HPR: variants seen among roughly 807,000 people sequenced by gnomAD.
The protein encoded by HPR is Haptoglobin-related locus.
HPR carries 17 observed loss-of-function variants against 18.5 expected under a neutral mutation model. That is an observed-to-expected ratio of 0.92 (90% CI 0.63 to 1.38). The LOEUF (loss-of-function observed/expected upper bound fraction) is 1.38. HPR is among the 40% of genes most tolerant of loss of function. The pLI is 0.00. For synonymous variants in HPR, 176 were observed against 165.0 expected (o/e 1.07, Z -0.51); for missense variants, 457 against 432.4 (o/e 1.06, Z -0.51).
In HPR at chr16:72,077,218, C is replaced by G; in HGVS notation, c.*137C>G. On this transcript the variant is annotated 3_prime_UTR_variant, in exon 5 of 5. Coordinates refer to ENST00000540303, the MANE Select transcript of HPR (RefSeq NM_020995.4). ...GGGTGCCAGCCCTGCATTGCTGAGTCAATCAATAAAGAGCTTTCTTTTGAC... is the reference window on the plus strand; with the variant it reads ...GGGTGCCAGCCCTGCATTGCTGAGTGAATCAATAAAGAGCTTTCTTTTGAC... 1 of 818,830 alleles carries G rather than the reference C, an allele frequency of 1.2e-6. No homozygotes were observed. Among genetic ancestry groups the G allele is most frequent in the Non-Finnish European group, 1.9e-6 (1 of 536,428 alleles). The allele number at this position is 818,830 out of a possible 1,614,324, so 50.7% of individuals were successfully genotyped here. A position where few individuals can be genotyped will look rare whatever the true frequency, so the allele number is the denominator to read the frequency against.
intron 1 of HPR, among the ~76,000 whole-genome samples, chr16:72,065,116 G>T (rs1234563480): frequency 6.6e-6 from 1 of 152,146 alleles, no homozygotes; most frequent in Admixed American, 6.5e-5. Context: ...CAATCTGTGG[G>T]TCTATGGTTA....
intron 1 of HPR, among the ~76,000 whole-genome samples, chr16:72,071,160 C>G (rs1249893754): frequency 6.6e-6 from 1 of 152,166 alleles, no homozygotes; most frequent in Non-Finnish European, 1.5e-5. Flanking sequence ...GAATCTAACA[C>G]TCTCTCCAAG....
chr16:72,069,080 G>C (rs1482279112), intron 1 of HPR, among the ~76,000 whole-genome samples: 1 of 152,138 alleles, frequency 6.6e-6, no homozygotes, highest in Non-Finnish European at 1.5e-5. Flanking sequence ...CAAGAAAATT[G>C]CCTAATAATT....
chr16:72,069,022 G>A (rs186593419), intron 1 of HPR, among the ~76,000 whole-genome samples: 111 of 152,250 alleles, frequency 7.3e-4, no homozygotes, highest in Non-Finnish European at 1.4e-3. Context: ...AAGACACAAC[G>A]GGTATCCAGT....
chr16:72,073,212 G>A (rs1350141481), intron 1 of HPR, among the ~76,000 whole-genome samples: 4 of 152,152 alleles, frequency 2.6e-5, no homozygotes, highest in African/African-American at 4.8e-5. Context: ...GACAAGCTGC[G>A]TTAGACATAA....
At chr16:72,065,342 T>A (rs7190994) in intron 1 of HPR, among the ~76,000 whole-genome samples, 84,685 of 151,430 alleles carry the variant, frequency 0.56, 24,174 homozygotes, top group South Asian at 0.65. Flanking sequence ...TCCAGACAGA[T>A]AAAAAAGAAA....
intron 1 of HPR, among the ~76,000 whole-genome samples, chr16:72,068,200 T>C (rs927085615): frequency 1.3e-5 from 2 of 152,176 alleles, no homozygotes; most frequent in Non-Finnish European, 2.9e-5. Flanking sequence ...TCTACACATA[T>C]TTTTGACCAT....
chr16:72,066,073 A>T (rs1567587728), intron 1 of HPR, among the ~76,000 whole-genome samples: 1 of 152,220 alleles, frequency 6.6e-6, no homozygotes. Flanking sequence ...CATGAAATAG[A>T]GCAGTGTAAA....
At chr16:72,074,855 T>C (rs3020641) in intron 3 of HPR, 106 of 648,862 alleles carry the variant, frequency 1.6e-4, no homozygotes, top group Admixed American at 9.4e-4. Context: ...CAAATTCAGG[T>C]GGCCTGTAAG....
chr16:72,065,878 C>T (rs1167425106), intron 1 of HPR, among the ~76,000 whole-genome samples: 1 of 152,122 alleles, frequency 6.6e-6, no homozygotes, highest in African/African-American at 2.4e-5. Flanking sequence ...AGACTGTCTT[C>T]CTTTGCTTAC....
At chr16:72,065,796 C>T (rs560274671) in intron 1 of HPR, among the ~76,000 whole-genome samples, 1 of 152,262 alleles carries the variant, frequency 6.6e-6, no homozygotes, top group East Asian at 1.9e-4. Context: ...GGGAAGAATC[C>T]GATCCAGCAT....
chr16:72,072,131 C>T (rs1250429794), intron 1 of HPR, among the ~76,000 whole-genome samples: 1 of 152,028 alleles, frequency 6.6e-6, no homozygotes, highest in Non-Finnish European at 1.5e-5. Flanking sequence ...GCCTCGGCCT[C>T]CCGAGTAGCT....
chr16:72,072,773 T>C (rs1334456513), intron 1 of HPR, among the ~76,000 whole-genome samples: 1 of 152,170 alleles, frequency 6.6e-6, no homozygotes, highest in Non-Finnish European at 1.5e-5. Flanking sequence ...GTGAGCTTTT[T>C]CTTTTAGAAG....
At chr16:72,071,185 C>T (rs72787058) in intron 1 of HPR, among the ~76,000 whole-genome samples, 19,760 of 151,808 alleles carry the variant, frequency 0.13, 1,691 homozygotes, top group South Asian at 0.19. Flanking sequence ...GCGAGCTCAG[C>T]GTCCTCCTCC....
chr16:72,066,356 A>G (rs934490190), intron 1 of HPR, among the ~76,000 whole-genome samples: 15 of 152,154 alleles, frequency 9.9e-5, no homozygotes, highest in African/African-American at 3.6e-4. Context: ...CAGGGGAGGA[A>G]AGAAGCATGA....
chr16:72,070,001 TA>T (rs1409984257), intron 1 of HPR, among the ~76,000 whole-genome samples: 2 of 152,160 alleles, frequency 1.3e-5, no homozygotes, highest in Non-Finnish European at 2.9e-5. Flanking sequence ...CATATGTCAT[TA>T]AAAAGTTAGC....
chr16:72,069,043 G>T (rs2041627498), intron 1 of HPR, among the ~76,000 whole-genome samples: 1 of 152,160 alleles, frequency 6.6e-6, no homozygotes, highest in Non-Finnish European at 1.5e-5. Context: ...AATCGATGGA[G>T]AAATTCTCTA....
chr16:72,070,567 C>T (rs1186715973), intron 1 of HPR, among the ~76,000 whole-genome samples: 1 of 152,212 alleles, frequency 6.6e-6, no homozygotes, highest in Non-Finnish European at 1.5e-5. Flanking sequence ...TAAACCGTCA[C>T]TCCAGGGCTC....
Position 72,064,245 on chromosome 16 carries a change from A to T in HPR, c.5+985A>T, listed in dbSNP as rs566094366. On this transcript the variant is annotated intron_variant, in intron 1 of 4. Transcript: ENST00000540303. ...TGAATTATCACAAAATACTAGAAAT[A>T]ACCACATAAGTGTTTAAAATTATTG... Among the ~76,000 whole-genome samples the T allele has an allele frequency of 2.0e-5, 3 of 152,338 alleles. No individual in the cohort carries two copies. In the East Asian group the frequency reaches 5.8e-4, roughly 29 times the overall value.
Sources: gnomAD v4.1 joint callset for allele counts (sites outside exome capture counted in the v4.1 genomes callset) on GRCh38, gnomAD v4.1.1 for gene constraint, MANE v1.5 for transcripts, NCBI Gene and HGNC (gene_info 2026-07-23, HGNC 2026-07-21) for gene names.